Variants in DNAH7 observed in about 807,000 individuals in gnomAD.
DNAH7 encodes the protein axonemal beta dynein heavy chain 7.
In DNAH7, 397 loss-of-function variants were observed where a neutral mutation model predicts 444.6. The ratio of observed to expected loss-of-function variants is 0.89; its 90% CI spans 0.82 to 0.97. The LOEUF is 0.97. Ranked by LOEUF, DNAH7 falls within the 50% of genes least tolerant of loss-of-function variation. The pLI is 0.00. For missense variants in DNAH7, 4,902 were observed against 4,800.8 expected (o/e 1.02, Z -0.62); for synonymous variants, 1,636 against 1,624.4 (o/e 1.01, Z -0.17).
intron 59 of DNAH7, among the ~76,000 whole-genome samples, chr2:195,777,293 C>T (rs1225594757): frequency 8.5e-5 from 13 of 152,166 alleles, no homozygotes. Context: ...GGGTCTGTGA[C>T]TCGCTGCCAC....
intron 24 of DNAH7, among the ~76,000 whole-genome samples, chr2:195,916,182 C>T (rs547196098): frequency 2.6e-5 from 4 of 152,132 alleles, no homozygotes; most frequent in Non-Finnish European, 5.9e-5. Flanking sequence ...AACTATACAA[C>T]TTCTATAAGA....
intron 27 of DNAH7, 88 bp downstream of exon 27, chr2:195,906,571 G>A (rs1210305554): frequency 1.5e-6 from 2 of 1,319,446 alleles, no homozygotes; most frequent in Non-Finnish European, 2.1e-6. Context: ...TAGGATTATA[G>A]GCGTTAGCCA....
At chr2:195,856,152 C>T (rs1349991052) in intron 44 of DNAH7, among the ~76,000 whole-genome samples, 161 bp from the exon 45 acceptor site, 1 of 152,164 alleles carries the variant, frequency 6.6e-6, no homozygotes, top group Non-Finnish European at 1.5e-5. Context: ...TAACAATCAT[C>T]CAAACTTGAT....
Position 195,771,778 on chromosome 2 carries a change from C to G in DNAH7, c.11315G>C (p.Arg3772Thr), listed in dbSNP as rs373836682. Residue 3772 changes from arginine (R) to threonine (T), a missense_variant, in exon 61 of 65, where the codon AGG (arginine) becomes ACG (threonine). By Grantham distance (71) the Arg-to-Thr change is moderately conservative. Coordinates refer to ENST00000312428, the MANE Select transcript of DNAH7 (RefSeq NM_018897.3). ...GCTCTGAGTATAAGTTGTTGGGTAC[C>G]TCCTCATGGCAGCCTCGATGTCGAA... ...NNFDIEAAMR[R>T]YPTTYTQSMN... is the part of the protein sequence containing the mutation. The G allele has an allele frequency of 2.8e-4, 450 of 1,614,002 alleles. No individual in the cohort carries two copies. Among genetic ancestry groups the G allele is most frequent in the Non-Finnish European group, 3.7e-4 (434 of 1,180,032 alleles).
intron 38 of DNAH7, 23 bp from the exon 39 acceptor site, chr2:195,873,717 CTT>C (rs751761672): frequency 4.0e-6 from 6 of 1,495,422 alleles, no homozygotes; most frequent in Non-Finnish European, 5.3e-6. Flanking sequence ...AAGTATAACT[CTT>C]AATAATGTTA....
At chr2:196,018,737 G>T (rs1695181811) in intron 9 of DNAH7, among the ~76,000 whole-genome samples, 1 of 152,072 alleles carries the variant, frequency 6.6e-6, no homozygotes, top group African/African-American at 2.4e-5. Context: ...CAGAATGAAT[G>T]AGACCTAGTA....
In DNAH7 at chr2:196,019,223, A is replaced by G. The variant is rs754662326; in HGVS notation, c.816T>C (p.Asn272=). ...AASSYIRDHL[N]AMNPTMLAVL... is the part of the protein sequence containing the mutation. The stretch of plus-strand genomic sequence containing the variant: ...CAGCCAGCATTGTGGGGTTCATTGC[A>G]TTCAAGTGATCCCTAATATAACTGC... The change falls in exon 9 of 65, where the codon AAT becomes AAC. Residue 272 remains asparagine (N), a synonymous_variant. Coordinates refer to ENST00000312428, the MANE Select transcript of DNAH7 (RefSeq NM_018897.3). The G allele has an allele frequency of 6.5e-7, 1 of 1,531,828 alleles. No homozygotes were observed. Among genetic ancestry groups the G allele is most frequent in the Non-Finnish European group, 8.9e-7 (1 of 1,128,986 alleles). 94.9% of individuals were successfully genotyped at this position (1,531,828 alleles called of 1,614,324 possible).
chr2:195,829,351 T>C (rs1360447059), intron 48 of DNAH7, among the ~76,000 whole-genome samples: 1 of 152,092 alleles, frequency 6.6e-6, no homozygotes, highest in African/African-American at 2.4e-5. Flanking sequence ...TTTTGTTCAG[T>C]ATATGTGGCC....
At chr2:195,987,736 C>T (rs571664939) in intron 13 of DNAH7, among the ~76,000 whole-genome samples, 2 of 151,962 alleles carry the variant, frequency 1.3e-5, no homozygotes, top group Non-Finnish European at 2.9e-5. Context: ...GTCAGAGTTG[C>T]GGTAGTAGAG....
chr2:196,014,678 T>TA (rs1431035033), intron 9 of DNAH7, among the ~76,000 whole-genome samples: 1 of 152,152 alleles, frequency 6.6e-6, no homozygotes, highest in African/African-American at 2.4e-5. Context: ...TTCTCAAAAC[T>TA]AATCTTCTCT....
At chr2:195,942,393 AAGGAAGAAGATGAAGAGG>A (rs1179801605) in intron 19 of DNAH7, among the ~76,000 whole-genome samples, 7 of 150,856 alleles carry the variant, frequency 4.6e-5, no homozygotes, top group Admixed American at 2.7e-4. Flanking sequence ...GAAGAGGAAG[AAGGAAGAAGATGAAGAGG>A]AGGAAGAGGA....
chr2:196,027,840 T>A (rs1695785634), intron 6 of DNAH7, 120 bp downstream of exon 6: 1 of 829,816 alleles, frequency 1.2e-6, no homozygotes, highest in African/African-American at 1.7e-5. Flanking sequence ...AACTCTGTAT[T>A]TATTCCTATG....
At chr2:195,844,023 G>C (rs1255384253) in intron 47 of DNAH7, among the ~76,000 whole-genome samples, 40 of 152,020 alleles carry the variant, frequency 2.6e-4, no homozygotes, top group Non-Finnish European at 7.4e-5. Flanking sequence ...ATGAACCTGG[G>C]AGGCGGAGCT....
At chr2:195,862,650 C>T (rs563999230) in intron 41 of DNAH7, among the ~76,000 whole-genome samples, 24 of 151,992 alleles carry the variant, frequency 1.6e-4, no homozygotes, top group African/African-American at 5.1e-4. Context: ...CCCTCTCCTT[C>T]CTTCTGTCTA....
chr2:196,048,519 G>T, intron 3 of DNAH7, 115 bp from the exon 4 acceptor site: 1 of 807,308 alleles, frequency 1.2e-6, no homozygotes, highest in Non-Finnish European at 2.0e-6. Flanking sequence ...CAGAACATCT[G>T]GATAGAAAAT....
Position 195,737,933 on chromosome 2 carries a change from T to TTGACA in DNAH7, c.12058_12062dup (p.Gln4021HisfsTer22), listed in dbSNP as rs765575921. Reference sequence around the variant, plus strand: ...TGATGTCTTCTGGTTATGAATTAAGTTGACATAACAGTGCTACACCTCGTC... The same window carrying TTGACA: ...TGATGTCTTCTGGTTATGAATTAAGTTGACATGACATAACAGTGCTACACCTCGTC... On this transcript the variant is annotated frameshift_variant, in exon 65 of 65. Transcript: ENST00000312428. LOFTEE classifies it high-confidence loss of function. The TTGACA allele has an allele frequency of 9.3e-6, 15 of 1,613,890 alleles. No homozygotes were observed. The highest frequency in any genetic ancestry group is 1.3e-5 in the African/African-American group (1 of 75,036).
intron 17 of DNAH7, 74 bp downstream of exon 17, chr2:195,969,874 G>A: frequency 7.0e-7 from 1 of 1,436,430 alleles, no homozygotes; most frequent in Non-Finnish European, 9.5e-7. Context: ...ACTTCTTAAA[G>A]GTGAATAACT....
intron 61 of DNAH7, among the ~76,000 whole-genome samples, chr2:195,763,133 A>G (rs1694424781): frequency 6.6e-6 from 1 of 152,180 alleles, no homozygotes; most frequent in South Asian, 2.1e-4. Flanking sequence ...AAGAAACTAA[A>G]AAGGAAATTC....
intron 19 of DNAH7, among the ~76,000 whole-genome samples, chr2:195,946,009 G>A (rs1219469129): frequency 6.6e-6 from 1 of 152,150 alleles, no homozygotes; most frequent in Non-Finnish European, 1.5e-5. Flanking sequence ...GAAAGGAGAG[G>A]AAACTGACAT....
Sources: allele counts gnomAD v4.1 joint callset (sites outside exome capture counted in the v4.1 genomes callset), GRCh38; gene constraint gnomAD v4.1.1; transcripts MANE v1.5; gene names NCBI Gene and HGNC (gene_info 2026-07-23, HGNC 2026-07-21).